NAALADL2: variants seen among roughly 807,000 people sequenced by gnomAD.
NAALADL2 encodes the protein inactive N-acetylated-alpha-linked acidic dipeptidase-like protein 2.
NAALADL2 carries 76 observed loss-of-function variants against 87.2 expected under a neutral mutation model. The ratio of observed to expected loss-of-function variants is 0.87; its 90% CI spans 0.72 to 1.05. The LOEUF (loss-of-function observed/expected upper bound fraction) is 1.05, where lower values mean the gene tolerates loss of function less well. Ranked by LOEUF, NAALADL2 falls within the 50% of genes least tolerant of loss-of-function variation. NAALADL2 has a pLI of 0.00. For synonymous variants in NAALADL2, 354 were observed against 331.0 expected (o/e 1.07, Z -0.75); for missense variants, 1,089 against 945.8 (o/e 1.15, Z -1.99).
rs181794424 is a variant in NAALADL2, at chr3:175,702,322, G to A, written c.1897-34984G>A. On this transcript the variant is annotated intron_variant, in intron 11 of 13. Transcript: ENST00000454872. The stretch of plus-strand genomic sequence containing the variant: ...AAAAGGAATTTTCACTGGTGAATCT[G>A]TAATATAAAGTTAATGTTATTAACA... 5.9e-5 allele frequency among the ~76,000 whole-genome samples: 9 copies of A among 152,194 alleles called. No homozygotes were observed. In the East Asian group the frequency reaches 1.5e-3, roughly 26 times the overall value.
chr3:174,606,349 G>A (rs981130161), intron 2 of NAALADL2, among the ~76,000 whole-genome samples: 1 of 152,202 alleles, frequency 6.6e-6, no homozygotes, highest in Non-Finnish European at 1.5e-5. Context: ...AGAGAAGAAG[G>A]CTTCAGACGA....
chr3:175,678,970 G>C (rs1735220850), intron 11 of NAALADL2, among the ~76,000 whole-genome samples: 1 of 152,046 alleles, frequency 6.6e-6, no homozygotes, highest in Non-Finnish European at 1.5e-5. Context: ...AGGGAGACAG[G>C]GATGGGGCCC....
At chr3:175,712,084 T>C (rs1477558110) in intron 11 of NAALADL2, among the ~76,000 whole-genome samples, 1 of 151,960 alleles carries the variant, frequency 6.6e-6, no homozygotes, top group Non-Finnish European at 1.5e-5. Flanking sequence ...TGAGATATTA[T>C]TTAAATTTAT....
chr3:175,570,837 GC>G (rs1408347116), intron 9 of NAALADL2, among the ~76,000 whole-genome samples: 3 of 144,096 alleles, frequency 2.1e-5, no homozygotes, highest in Non-Finnish European at 4.5e-5. Flanking sequence ...CCAATATCGT[GC>G]CACTGCACTC....
chr3:174,900,995 GAAGAC>G (rs1732237693), intron 1 of NAALADL2, among the ~76,000 whole-genome samples: 2 of 152,092 alleles, frequency 1.3e-5, no homozygotes, highest in South Asian at 4.1e-4. Flanking sequence ...ACAGAGGGTT[GAAGAC>G]AAAGACACTT....
At chr3:175,444,590 C>T (rs1190585363) in intron 5 of NAALADL2, among the ~76,000 whole-genome samples, 1 of 152,172 alleles carries the variant, frequency 6.6e-6, no homozygotes, top group African/African-American at 2.4e-5. Context: ...CAAAGGGCCC[C>T]ACACTTGATT....
At chr3:175,019,086 T>C (rs1290534911) in intron 1 of NAALADL2, among the ~76,000 whole-genome samples, 1 of 152,056 alleles carries the variant, frequency 6.6e-6, no homozygotes, top group Non-Finnish European at 1.5e-5. Flanking sequence ...CATAATATTA[T>C]ACCACTCCTG....
At chr3:175,666,683 A>G (rs916905255) in intron 11 of NAALADL2, among the ~76,000 whole-genome samples, 22 of 152,242 alleles carry the variant, frequency 1.4e-4, no homozygotes, top group Admixed American at 4.6e-4. Flanking sequence ...CTGGAGCGTA[A>G]CTATACCATC....
intron 4 of NAALADL2, among the ~76,000 whole-genome samples, chr3:175,299,596 G>T (rs997259988): frequency 6.6e-6 from 1 of 152,098 alleles, no homozygotes; most frequent in African/African-American, 2.4e-5. Context: ...CTCTCTGTTT[G>T]TCTACTGTTG....
At chr3:174,864,129 A>C (rs949598954) in intron 1 of NAALADL2, 1 of 451,656 alleles carries the variant, frequency 2.2e-6, no homozygotes, top group Non-Finnish European at 4.4e-6. Flanking sequence ...GCAAAGGTGC[A>C]TGTGAAGATG....
At chr3:175,571,711 A>T (rs1166141963) in intron 9 of NAALADL2, among the ~76,000 whole-genome samples, 2 of 152,192 alleles carry the variant, frequency 1.3e-5, no homozygotes, top group African/African-American at 2.4e-5. Context: ...TAAAGTAATG[A>T]ATAATGAAGA....
At chr3:174,911,870 G>C (rs1477281340) in intron 1 of NAALADL2, among the ~76,000 whole-genome samples, 1 of 152,020 alleles carries the variant, frequency 6.6e-6, no homozygotes, top group Non-Finnish European at 1.5e-5. Flanking sequence ...AGCGATTTTG[G>C]AATTAAGTTG....
intron 1 of NAALADL2, among the ~76,000 whole-genome samples, chr3:174,489,957 T>C (rs1329946318): frequency 3.3e-5 from 5 of 152,128 alleles, no homozygotes; most frequent in African/African-American, 9.7e-5. Context: ...GAGAGGGGAA[T>C]ATAAACTGGT....
At position 175,017,625 on chromosome 3, in the gene NAALADL2, C is replaced by A. The variant is rs139298193; in HGVS notation, c.44-79165C>A. Among the ~76,000 whole-genome samples, 10 of 152,204 alleles carry A rather than the reference C, an allele frequency of 6.6e-5. No individual in the cohort carries two copies. In the East Asian group the frequency reaches 1.9e-3, roughly 29 times the overall value. On this transcript the variant is annotated intron_variant, in intron 1 of 13. Transcript: ENST00000454872. ...ATTTTCCCAAAAAATGAAATGATTT[C>A]AAAGCCCTGCATGAAGACTCAGACT...
chr3:175,571,554 T>G (rs1718079599), intron 9 of NAALADL2, among the ~76,000 whole-genome samples: 1 of 152,204 alleles, frequency 6.6e-6, no homozygotes, highest in Non-Finnish European at 1.5e-5. Flanking sequence ...TTAATGCTTA[T>G]GAGGGTTGAG....
chr3:175,148,522 A>T (rs1000566985), intron 2 of NAALADL2, among the ~76,000 whole-genome samples: 17 of 152,090 alleles, frequency 1.1e-4, no homozygotes, highest in Non-Finnish European at 7.4e-5. Flanking sequence ...CCCAACGCCC[A>T]AGTCCACAGT....
rs1754767717 is a variant in NAALADL2, at chr3:175,807,019, A to G, written c.*3816A>G. 1.3e-5 allele frequency: 2 copies of G among 151,800 alleles called. No homozygotes were observed. The highest frequency in any genetic ancestry group is 1.3e-4 in the Admixed American group (2 of 15,166). The allele number at this position is 151,800 out of a possible 1,614,324, so 9.4% of individuals were successfully genotyped here. A position where few individuals can be genotyped will look rare whatever the true frequency, so the allele number is the denominator to read the frequency against. On this transcript the variant is annotated 3_prime_UTR_variant, in exon 14 of 14. Transcript: ENST00000454872. ...TTCCTGATGATGGTAGCCCACTCCA[A>G]CAAAGGCGTATATATGTAGGCAAGT...
At chr3:174,497,473 GAA>G (rs1578027845) in intron 1 of NAALADL2, among the ~76,000 whole-genome samples, 4 of 151,430 alleles carry the variant, frequency 2.6e-5, no homozygotes, top group Admixed American at 6.6e-5. Context: ...TATTTAAAAA[GAA>G]GAAGCGAAAA....
At chr3:175,013,239 A>G (rs1342571176) in intron 1 of NAALADL2, among the ~76,000 whole-genome samples, 2 of 106,110 alleles carry the variant, frequency 1.9e-5, no homozygotes, top group Non-Finnish European at 3.5e-5. Context: ...ATAAACACAT[A>G]TATAAAATAT....
Sources: gnomAD v4.1 joint callset for allele counts (sites outside exome capture counted in the v4.1 genomes callset) on GRCh38, gnomAD v4.1.1 for gene constraint, MANE v1.5 for transcripts, NCBI Gene and HGNC (gene_info 2026-07-23, HGNC 2026-07-21) for gene names.